Variants in NAV3 observed in about 807,000 individuals in gnomAD.
The protein encoded by NAV3 is pore membrane and/or filament interacting like protein 1.
In NAV3, 87 loss-of-function variants were observed where a neutral mutation model predicts 244.7. That is an observed-to-expected ratio of 0.36 (90% CI 0.30 to 0.42). The LOEUF is 0.42. NAV3 is among the 20% of genes least tolerant of loss of function. NAV3 has a pLI of 1.00. For synonymous variants in NAV3, 1,126 were observed against 1,042.2 expected, an observed-to-expected ratio of 1.08 and a Z score of -1.55; for missense variants, 2,663 against 2,893.3, an observed-to-expected ratio of 0.92 and a Z score of 1.83.
At chr12:77,649,729 G>T (rs2136985177) in intron 2 of NAV3, among the ~76,000 whole-genome samples, 1 of 152,196 alleles carries the variant, frequency 6.6e-6, no homozygotes, top group East Asian at 1.9e-4. Context: ...AGATCATTTT[G>T]CCTGTATCAC....
intron 2 of NAV3, among the ~76,000 whole-genome samples, chr12:77,701,402 G>A (rs532102939): frequency 3.3e-5 from 5 of 151,860 alleles, no homozygotes; most frequent in African/African-American, 1.2e-4. Flanking sequence ...TTTTATTCCT[G>A]ATACTTGTGA....
At chr12:78,072,213 C>G (rs1952807237) in intron 12 of NAV3, among the ~76,000 whole-genome samples, 1 of 148,972 alleles carries the variant, frequency 6.7e-6, no homozygotes, top group African/African-American at 2.5e-5. Flanking sequence ...AATAGAGACA[C>G]AAAAAACCCT....
Position 77,966,295 on chromosome 12 carries a change from G to A in NAV3, c.481G>A (p.Ala161Thr), listed in dbSNP as rs1023880305. 5 of 1,611,198 alleles carry A rather than the reference G, an allele frequency of 3.1e-6. No homozygotes were observed. Among genetic ancestry groups the A allele is most frequent in the Non-Finnish European group, 4.2e-6 (5 of 1,178,766 alleles). Reference sequence around the variant, plus strand: ...AGGGGTAAATGTTCAAGGTCTATCTGCTGAAGGTAAGAAAAAGAATGACTG... The same window carrying A: ...AGGGGTAAATGTTCAAGGTCTATCTACTGAAGGTAAGAAAAAGAATGACTG... ...ARGVNVQGLS[A>T]EEIRNGNLKA... The change falls in exon 4 of 40, where the codon GCT (alanine) becomes ACT (threonine). Residue 161 changes from alanine (A) to threonine (T), a missense_variant. Coordinates refer to ENST00000397909, the MANE Select transcript of NAV3 (RefSeq NM_001024383.2).
intron 2 of NAV3, among the ~76,000 whole-genome samples, chr12:77,713,021 C>T (rs961772867): frequency 2.0e-5 from 3 of 152,122 alleles, no homozygotes; most frequent in Non-Finnish European, 4.4e-5. Context: ...CTAGGGTCAC[C>T]ACAAAAGCTA....
At chr12:78,090,319 G>A (rs1953860490) in intron 12 of NAV3, among the ~76,000 whole-genome samples, 1 of 150,724 alleles carries the variant, frequency 6.6e-6, no homozygotes. Flanking sequence ...TTTGATTTTA[G>A]TACTACAAAT....
At chr12:77,576,155 G>C (rs1176759431) in intron 2 of NAV3, among the ~76,000 whole-genome samples, 1 of 152,050 alleles carries the variant, frequency 6.6e-6, no homozygotes, top group Non-Finnish European at 1.5e-5. Context: ...GATTACTTCA[G>C]AAGTGACATA....
At chr12:77,818,926 C>T (rs547408404) in intron 2 of NAV3, among the ~76,000 whole-genome samples, 121 of 151,898 alleles carry the variant, frequency 8.0e-4, no homozygotes, top group African/African-American at 2.8e-3. Context: ...AGCTCATTTC[C>T]CGGATTGTAT....
chr12:77,900,390 T>C (rs1289875582), intron 1 of NAV3, among the ~76,000 whole-genome samples: 1 of 152,122 alleles, frequency 6.6e-6, no homozygotes, highest in Non-Finnish European at 1.5e-5. Flanking sequence ...CTCATCTTTG[T>C]ATCCATGTGT....
intron 12 of NAV3, among the ~76,000 whole-genome samples, chr12:78,099,011 ATGT>A (rs1566129336): frequency 6.7e-6 from 1 of 149,058 alleles, no homozygotes; most frequent in Non-Finnish European, 1.5e-5. Flanking sequence ...AATTGAAGTG[ATGT>A]TGTTTCTTCA....
At chr12:77,818,816 ATTTTCT>A (rs902135653) in intron 2 of NAV3, among the ~76,000 whole-genome samples, 2 of 152,042 alleles carry the variant, frequency 1.3e-5, no homozygotes, top group Non-Finnish European at 2.9e-5. Context: ...TATGTGAGAG[ATTTTCT>A]TTTACTTATA....
chr12:77,594,238 T>C (rs1870065349), intron 2 of NAV3, among the ~76,000 whole-genome samples: 1 of 152,096 alleles, frequency 6.6e-6, no homozygotes, highest in African/African-American at 2.4e-5. Flanking sequence ...GGAGGAAGTA[T>C]CTGGTCTTCT....
intron 2 of NAV3, among the ~76,000 whole-genome samples, chr12:77,808,255 G>A (rs9669262): frequency 0.98 from 148,520 of 152,242 alleles, 72,571 homozygotes; most frequent in East Asian, 1. Context: ...GAGAAGAAGC[G>A]TTCTGGTTTT....
chr12:77,699,231 A>G (rs1188857153), intron 2 of NAV3, among the ~76,000 whole-genome samples: 1 of 152,072 alleles, frequency 6.6e-6, no homozygotes, highest in Non-Finnish European at 1.5e-5. Context: ...CCTTGAACTC[A>G]TATTCTATCC....
At chr12:77,573,162 T>G (rs1592463820) in intron 2 of NAV3, among the ~76,000 whole-genome samples, 3 of 152,296 alleles carry the variant, frequency 2.0e-5, no homozygotes, top group Admixed American at 2.0e-4. Context: ...CTAAGGGCCA[T>G]AATTAAGCTT....
At chr12:78,098,946 G>A (rs1954396755) in intron 12 of NAV3, among the ~76,000 whole-genome samples, 1 of 132,754 alleles carries the variant, frequency 7.5e-6, no homozygotes, top group Non-Finnish European at 1.7e-5. Flanking sequence ...ATGCCTGAAA[G>A]TATCCAGGGT....
chr12:77,957,321 A>G (rs1241853064), intron 3 of NAV3, among the ~76,000 whole-genome samples: 1 of 152,210 alleles, frequency 6.6e-6, no homozygotes, highest in Non-Finnish European at 1.5e-5. Flanking sequence ...ATAGTTGCTG[A>G]ATGAATTAAT....
intron 18 of NAV3, among the ~76,000 whole-genome samples, chr12:78,131,683 C>A (rs1956172689): frequency 6.6e-6 from 1 of 152,120 alleles, no homozygotes. Context: ...AAAGACTCAC[C>A]ACTTAACTAT....
At chr12:77,646,027 T>C (rs1246776455) in intron 2 of NAV3, among the ~76,000 whole-genome samples, 2 of 152,250 alleles carry the variant, frequency 1.3e-5, no homozygotes, top group East Asian at 1.9e-4. Context: ...CCTATATGTA[T>C]TTAAATTTAT....
chr12:78,015,545 A>G (rs896214585), intron 8 of NAV3, among the ~76,000 whole-genome samples: 10 of 151,690 alleles, frequency 6.6e-5, no homozygotes, highest in African/African-American at 2.4e-4. Flanking sequence ...TTCCTGTTGC[A>G]TTTCATTGGG....
Sources: allele counts gnomAD v4.1 joint callset (sites outside exome capture counted in the v4.1 genomes callset), GRCh38; gene constraint gnomAD v4.1.1; transcripts MANE v1.5; gene names NCBI Gene and HGNC (gene_info 2026-07-23, HGNC 2026-07-21).